Variants in SMC3 observed in about 807,000 individuals in gnomAD.
The protein encoded by SMC3 is structural maintenance of chromosomes 3.
SMC3 carries 20 observed loss-of-function variants against 171.8 expected under a neutral mutation model. The ratio of observed to expected loss-of-function variants is 0.12; its 90% confidence interval spans 0.08 to 0.17. The LOEUF is 0.17. SMC3 is among the 10% of genes least tolerant of loss of function. The pLI is 1.00. For synonymous variants in SMC3, 464 were observed against 451.1 expected, an observed-to-expected ratio of 1.03 and a Z score of -0.36; for missense variants, 543 against 1,420.4, an observed-to-expected ratio of 0.38 and a Z score of 9.93.
In SMC3 at chr10:110,578,814, A is replaced by G. The variant is rs1310317234; in HGVS notation, c.429+108A>G. 12 of 796,126 alleles carry G rather than the reference A, an allele frequency of 1.5e-5. No individual in the cohort carries two copies. In the East Asian group the frequency reaches 1.6e-4, roughly 11 times the overall value. 49.3% of individuals were successfully genotyped at this position (796,126 alleles called of 1,614,324 possible). A position where few individuals can be genotyped will look rare whatever the true frequency, so the allele number is the denominator to read the frequency against. On this transcript the variant is annotated intron_variant, in intron 7 of 28. Coordinates refer to ENST00000361804, the MANE Select transcript of SMC3 (RefSeq NM_005445.4). Reference sequence around the variant, plus strand: ...TGGTTAAGCTGAAGCAAAAATGGCCATATTCTTTTACATGGCCATAAAGTA... The same window carrying G: ...TGGTTAAGCTGAAGCAAAAATGGCCGTATTCTTTTACATGGCCATAAAGTA...
At chr10:110,587,367 C>CA (rs1270158114) in intron 13 of SMC3, among the ~76,000 whole-genome samples, 1 of 152,076 alleles carries the variant, frequency 6.6e-6, no homozygotes, top group Non-Finnish European at 1.5e-5. Context: ...TGGAAAAAAA[C>CA]AAAGTATGTA....
In SMC3 at chr10:110,602,187, C is replaced by T. The variant is rs763023862; in HGVS notation, c.3105+9C>T. ...AGTTAACTTTCAAACAGGTATGTTT[C>T]GCTTTGTAGTTAAAACATACACACA... On this transcript the variant is annotated intron_variant, in intron 25 of 28. Coordinates refer to ENST00000361804, the MANE Select transcript of SMC3 (RefSeq NM_005445.4). 22 of 1,605,004 alleles carry T rather than the reference C, an allele frequency of 1.4e-5. No homozygotes were observed. The highest frequency in any genetic ancestry group is 7.7e-5 in the South Asian group (7 of 90,610).
chr10:110,599,820 G>T lies in SMC3; in HGVS notation c.2427+8G>T. The T allele has an allele frequency of 6.2e-7, 1 of 1,613,588 alleles. No individual in the cohort carries two copies. Among genetic ancestry groups the T allele is most frequent in the Non-Finnish European group, 8.5e-7 (1 of 1,179,578 alleles). On this transcript the variant is annotated splice_region_variant and intron_variant, in intron 21 of 28. Transcript: ENST00000361804. The stretch of plus-strand genomic sequence containing the variant: ...ATTCGTCAACTTCAGCAGGTAAGTA[G>T]ACAGCTGACTGGAAAAAGAATTCGT...
Position 110,591,148 on chromosome 10 carries a change from A to T in SMC3, c.1812+16A>T, listed in dbSNP as rs749295476. ...TGAAACCAATGTGAGTCATTGTGTG[A>T]TAAGGTGTATTTCTCTTTTATAATG... On this transcript the variant is annotated intron_variant, in intron 17 of 28. Coordinates refer to ENST00000361804, the MANE Select transcript of SMC3 (RefSeq NM_005445.4). 8.7e-6 allele frequency: 14 copies of T among 1,611,424 alleles called. No homozygotes were observed. The African/African-American group carries it at 1.7e-4, about 20-fold the overall frequency.
At chr10:110,585,286 A>G (rs1228544711) in intron 13 of SMC3, among the ~76,000 whole-genome samples, 2 of 135,342 alleles carry the variant, frequency 1.5e-5, no homozygotes, top group African/African-American at 5.8e-5. Context: ...AGCTGATAGT[A>G]ACAATTTTTT....
At chr10:110,580,806 A>G in intron 7 of SMC3, 98 bp from the exon 8 acceptor site, 1 of 774,914 alleles carries the variant, frequency 1.3e-6, no homozygotes, top group Non-Finnish European at 2.4e-6. Flanking sequence ...CATAAGGGAT[A>G]CCCAACCTTC....
rs751367392 is a variant in SMC3, at chr10:110,604,218, A to T, written c.3583-13A>T. ...TAATTAACAGATTTTTGTTTTTAAC[A>T]TTTATTCTTCAGGTTAGTCATATTG... On this transcript the variant is annotated splice_polypyrimidine_tract_variant and intron_variant, in intron 28 of 28. Coordinates refer to ENST00000361804, the MANE Select transcript of SMC3 (RefSeq NM_005445.4). 3.7e-6 allele frequency: 6 copies of T among 1,601,946 alleles called. No individual in the cohort carries two copies. The highest frequency in any genetic ancestry group is 4.3e-6 in the Non-Finnish European group (5 of 1,170,156).
chr10:110,597,512 C>T (rs1415784174), intron 19 of SMC3, among the ~76,000 whole-genome samples: 1 of 152,130 alleles, frequency 6.6e-6, no homozygotes, highest in East Asian at 1.9e-4. Context: ...TTTAAAACTG[C>T]AGATTTATAA....
chr10:110,581,138 T>C (rs1861023202), intron 8 of SMC3, 117 bp downstream of exon 8: 1 of 728,056 alleles, frequency 1.4e-6, no homozygotes, highest in African/African-American at 1.7e-5. Flanking sequence ...TAGATAATGC[T>C]GTTATTAATA....
chr10:110,600,863 C>CT (rs1046674215), intron 22 of SMC3, among the ~76,000 whole-genome samples, 159 bp from the exon 23 acceptor site: 2 of 151,698 alleles, frequency 1.3e-5, no homozygotes, highest in South Asian at 2.1e-4. Flanking sequence ...GTAATTGTGT[C>CT]TTTTTTTTCT....
At position 110,567,799 on chromosome 10, in the gene SMC3, G is replaced by C; in HGVS notation, c.-18G>C. The C allele has an allele frequency of 6.2e-7, 1 of 1,613,490 alleles. No homozygotes were observed. Among genetic ancestry groups the C allele is most frequent in the Non-Finnish European group, 8.5e-7 (1 of 1,179,802 alleles). On this transcript the variant is annotated 5_prime_UTR_variant, in exon 1 of 29. Transcript: ENST00000361804. Reference sequence around the variant, plus strand: ...CTGCTCCGGGGCAGGTCTCCTTCCAGGCCAGGGGCCCGGAATCATGTACAT... The same window carrying C: ...CTGCTCCGGGGCAGGTCTCCTTCCACGCCAGGGGCCCGGAATCATGTACAT...
At chr10:110,574,692 C>CCA (rs59522910) in intron 3 of SMC3, among the ~76,000 whole-genome samples, 18,265 of 152,000 alleles carry the variant, frequency 0.12, 2,239 homozygotes, top group African/African-American at 0.32. Context: ...CCCACCACCT[C>CCA]CACACACACA....
chr10:110,594,593 A>C (rs999556518), intron 18 of SMC3, among the ~76,000 whole-genome samples: 16 of 152,170 alleles, frequency 1.1e-4, no homozygotes, highest in Non-Finnish European at 2.9e-5. Context: ...CAGATCACAG[A>C]TCTTCTGAAT....
At chr10:110,586,301 G>A (rs548119429) in intron 13 of SMC3, among the ~76,000 whole-genome samples, 2 of 152,340 alleles carry the variant, frequency 1.3e-5, no homozygotes, top group East Asian at 1.9e-4. Flanking sequence ...TGCGAGGAGT[G>A]TAGCCTGCTG....
chr10:110,568,651 T>C (rs546622915), intron 1 of SMC3, among the ~76,000 whole-genome samples: 2 of 152,202 alleles, frequency 1.3e-5, no homozygotes, highest in African/African-American at 4.8e-5. Context: ...TAGGGTTCAG[T>C]TAAGCTCACA....
At chr10:110,580,097 A>T (rs1010232412) in intron 7 of SMC3, among the ~76,000 whole-genome samples, 3 of 152,192 alleles carry the variant, frequency 2.0e-5, no homozygotes, top group African/African-American at 4.8e-5. Context: ...AATACAGTAA[A>T]ACTATTTACA....
rs1051268520 is a variant in SMC3 at position 110,593,284 on chromosome 10, T to G, written c.1963+61T>G. The G allele has an allele frequency of 3.2e-6, 5 of 1,562,448 alleles. No homozygotes were observed. The East Asian group carries it at 1.1e-4, about 35-fold the overall frequency. On this transcript the variant is annotated intron_variant, in intron 18 of 28. Coordinates refer to ENST00000361804, the MANE Select transcript of SMC3 (RefSeq NM_005445.4). Reference sequence around the variant, plus strand: ...ATTCTAACAAATCATTTAAAACATATAATCTGGCTGGGCGCAGTGGCTCAT... The same window carrying G: ...ATTCTAACAAATCATTTAAAACATAGAATCTGGCTGGGCGCAGTGGCTCAT...
At chr10:110,599,042 TA>T (rs538467688) in intron 20 of SMC3, among the ~76,000 whole-genome samples, 2,888 of 140,690 alleles carry the variant, frequency 0.021, 26 homozygotes, top group Middle Eastern at 0.04. Context: ...ACAAAGAGCT[TA>T]AAAAAAAAAA....
chr10:110,598,215 TAG>T lies in SMC3; in HGVS notation c.2197_2198del (p.Asp733Ter). 1 of 1,613,798 alleles carries T rather than the reference TAG, an allele frequency of 6.2e-7. No individual in the cohort carries two copies. The highest frequency in any genetic ancestry group is 8.5e-7 in the Non-Finnish European group (1 of 1,179,868). On this transcript the variant is annotated frameshift_variant, in exon 20 of 29. Coordinates refer to ENST00000361804, the MANE Select transcript of SMC3 (RefSeq NM_005445.4). LOFTEE classifies it high-confidence loss of function. ...CCCAGCAAAGGAAATTTAAAGCATCTAGAGATAGCATATTATCAGAAATGAAG... is the reference window on the plus strand; with the variant it reads ...CCCAGCAAAGGAAATTTAAAGCATCTAGATAGCATATTATCAGAAATGAAG... The part of the protein sequence containing the change: ...ETQQRKFKAS[R>X]DSILSEMKML...
Sources: allele counts gnomAD v4.1 joint callset (sites outside exome capture counted in the v4.1 genomes callset), GRCh38; gene constraint gnomAD v4.1.1; transcripts MANE v1.5; gene names NCBI Gene and HGNC (gene_info 2026-07-23, HGNC 2026-07-21).